Variants in MITD1 observed in about 807,000 individuals in gnomAD.
MITD1 encodes the protein MIT domain-containing protein 1.
MITD1 carries 24 observed loss-of-function variants against 34.9 expected under a neutral mutation model. The ratio of observed to expected loss-of-function variants is 0.69; its 90% CI spans 0.50 to 0.97. The LOEUF is 0.97. Ranked by LOEUF, MITD1 falls within the 50% of genes least tolerant of loss-of-function variation. MITD1 has a pLI of 0.00. For synonymous variants in MITD1, 102 were observed against 101.4 expected, an observed-to-expected ratio of 1.01 and a Z score of -0.04; for missense variants, 266 against 294.6, an observed-to-expected ratio of 0.90 and a Z score of 0.71.
downstream of MITD1, among the ~76,000 whole-genome samples, chr2:99,165,061 CAT>C (rs1553515881): frequency 0.011 from 1,421 of 135,234 alleles, 7 homozygotes; most frequent in Middle Eastern, 0.014. Flanking sequence ...CACACACACA[CAT>C]ATATATATAG....
chr2:99,171,684 A>ATT (rs372456258), intron 2 of MITD1, 38 bp from the exon 3 acceptor site: 18 of 1,444,548 alleles, frequency 1.2e-5, no homozygotes, highest in Non-Finnish European at 1.6e-5. Flanking sequence ...ACCAGTGACC[A>ATT]TTTTTTTTTT....
Position 99,176,533 on chromosome 2 carries a change from G to T in MITD1, c.152-2517C>A, listed in dbSNP as rs926487565. 8.6e-5 allele frequency among the ~76,000 whole-genome samples: 13 copies of T among 151,040 alleles called. 1 individual carries two copies. Among genetic ancestry groups the T allele is most frequent in the Admixed American group, 7.9e-4 (12 of 15,154 alleles). On this transcript the variant is annotated intron_variant, in intron 1 of 6. Transcript: ENST00000289359. ...GTAGAGACAGGGTTTCGCCATGTTG[G>T]TCAGGCTGGTCTTGAACTCCTGACC...
At chr2:99,180,652 C>A (rs959018865) in intron 1 of MITD1, 179 bp downstream of exon 1, 16 of 610,356 alleles carry the variant, frequency 2.6e-5, no homozygotes, top group Non-Finnish European at 4.4e-5. Context: ...TAGGTAACAT[C>A]AATCTATTAA....
At chr2:99,171,478 A>C (rs772981525) in intron 3 of MITD1, 32 bp downstream of exon 3, 2 of 1,591,104 alleles carry the variant, frequency 1.3e-6, no homozygotes, top group African/African-American at 2.7e-5. Context: ...ATTGAATATG[A>C]TATTTCATTA....
rs1052925587 is a variant in MITD1 at position 99,171,841 on chromosome 2, C to T, written c.254-195G>A. The stretch of plus-strand genomic sequence containing the variant: ...ACGTACAAAGGTATTTAAGGCAAAC[C>T]ACTCCATTAGTGATTTCTGCCTTCA... On this transcript the variant is annotated intron_variant, in intron 2 of 6. Transcript: ENST00000289359. 26 of 553,136 alleles carry T rather than the reference C, an allele frequency of 4.7e-5. No homozygotes were observed. In the South Asian group the frequency reaches 5.4e-4, roughly 11 times the overall value. The allele number at this position is 553,136 out of a possible 1,614,324, so 34.3% of individuals were successfully genotyped here. A position where few individuals can be genotyped will look rare whatever the true frequency, so the allele number is the denominator to read the frequency against.
chr2:99,173,019 A>T lies in MITD1; in HGVS notation c.253+896T>A, dbSNP rs1015879319. 2.0e-5 allele frequency: 3 copies of T among 152,538 alleles called. No individual in the cohort carries two copies. In the South Asian group the frequency reaches 6.2e-4, roughly 31 times the overall value. The allele number at this position is 152,538 out of a possible 1,614,324, so 9.4% of individuals were successfully genotyped here. A position where few individuals can be genotyped will look rare whatever the true frequency, so the allele number is the denominator to read the frequency against. ...ACTATGCCTTATTTTTTAAGCCAAGATAGCCGTATAGAGGTTAATTTAATT... is the reference window on the plus strand; with the variant it reads ...ACTATGCCTTATTTTTTAAGCCAAGTTAGCCGTATAGAGGTTAATTTAATT... On this transcript the variant is annotated intron_variant, in intron 2 of 6. Transcript: ENST00000289359.
intron 1 of MITD1, among the ~76,000 whole-genome samples, chr2:99,175,746 C>A (rs549377413): frequency 5.5e-4 from 84 of 152,176 alleles, no homozygotes; most frequent in Admixed American, 1.1e-3. Flanking sequence ...CATTCCTTCT[C>A]AATCTATTTA....
chr2:99,176,158 C>T (rs868502707), intron 1 of MITD1, among the ~76,000 whole-genome samples: 33 of 152,200 alleles, frequency 2.2e-4, no homozygotes, highest in African/African-American at 7.7e-4. Context: ...CACCATGTTG[C>T]CCAGGCTAGT....
rs200140249 is a variant in MITD1 at position 99,176,673 on chromosome 2, CGT to C, written c.152-2659_152-2658del. On this transcript the variant is annotated intron_variant, in intron 1 of 6. Transcript: ENST00000289359. ...ATTATGAGGGGTGTGTGTATGTGTG[CGT>C]GTGTGTGTGCGCGTGTGTGTGTGTT... 3.4e-5 allele frequency among the ~76,000 whole-genome samples: 5 copies of C among 147,514 alleles called. No individual in the cohort carries two copies. The South Asian group carries it at 6.5e-4, about 19-fold the overall frequency.
downstream of MITD1, among the ~76,000 whole-genome samples, chr2:99,166,766 T>G (rs112133841): frequency 2.0e-5 from 3 of 150,580 alleles, no homozygotes; most frequent in African/African-American, 7.3e-5. Flanking sequence ...TGTTTCCTTT[T>G]ACTCAAGTTT....
chr2:99,180,779 C>G lies in MITD1; in HGVS notation c.151+52G>C, dbSNP rs562359842. ...CTCTTTCACTTCACCCCAGACACAG[C>G]AGGAACCAGCTCCTTTTCCTCAGGT... On this transcript the variant is annotated intron_variant, in intron 1 of 6. Transcript: ENST00000289359. The G allele has an allele frequency of 2.9e-4, 433 of 1,493,080 alleles. 12 individuals are homozygous for G. The South Asian group carries it at 4.4e-3, about 15-fold the overall frequency. The allele number at this position is 1,493,080 out of a possible 1,614,324, so 92.5% of individuals were successfully genotyped here.
chr2:99,174,103 A>G (rs2093873674), intron 1 of MITD1, 87 bp from the exon 2 acceptor site: 1 of 739,618 alleles, frequency 1.4e-6, no homozygotes, highest in African/African-American at 1.8e-5. Flanking sequence ...CAAGTTTTCT[A>G]CAAATTTCCT....
intron 7 of MITD1, chr2:99,163,206 CT>C: frequency 1.7e-6 from 1 of 577,746 alleles, no homozygotes; most frequent in Non-Finnish European, 2.8e-6. Context: ...ACACAACAAC[CT>C]AGTCTCTTTC....
intron 1 of MITD1, among the ~76,000 whole-genome samples, chr2:99,174,382 T>TA (rs1226145247): frequency 1.3e-5 from 2 of 152,194 alleles, no homozygotes; most frequent in African/African-American, 4.8e-5. Context: ...AAAAAATATT[T>TA]ATCTTCCACA....
At chr2:99,163,379 G>A (rs534555898) in intron 7 of MITD1, among the ~76,000 whole-genome samples, 1 of 152,098 alleles carries the variant, frequency 6.6e-6, no homozygotes, top group Non-Finnish European at 1.5e-5. Flanking sequence ...CCAGGCTGGA[G>A]TGCAGTGGTG....
chr2:99,173,860 G>A, intron 2 of MITD1, 55 bp downstream of exon 2: 1 of 1,096,804 alleles, frequency 9.1e-7, no homozygotes, highest in Non-Finnish European at 1.4e-6. Context: ...GAAACATTGG[G>A]TGAATGGACA....
intron 1 of MITD1, among the ~76,000 whole-genome samples, chr2:99,179,856 G>A (rs1231105304): frequency 6.6e-6 from 1 of 152,138 alleles, no homozygotes; most frequent in African/African-American, 2.4e-5. Flanking sequence ...GAGCCACCGC[G>A]CCCGGCCGGT....
rs2093901181 is a variant in MITD1, at chr2:99,179,016, C to T, written c.151+1815G>A. Among the ~76,000 whole-genome samples the T allele has an allele frequency of 3.3e-5, 5 of 152,348 alleles. No homozygotes were observed. The South Asian group carries it at 1.0e-3, about 32-fold the overall frequency. The stretch of plus-strand genomic sequence containing the variant: ...AAGCCCCAATCAAACTCCACCTCTA[C>T]CTTTCCACCCTCACATGACCTTTAA... On this transcript the variant is annotated intron_variant, in intron 1 of 6. Transcript: ENST00000289359.
chr2:99,172,249 A>G (rs965427084), intron 2 of MITD1: 2 of 152,186 alleles, frequency 1.3e-5, no homozygotes, highest in Non-Finnish European at 2.9e-5. Flanking sequence ...GTAGCCAGGC[A>G]TGATGTCAGG....
Sources: gnomAD v4.1 joint callset for allele counts (sites outside exome capture counted in the v4.1 genomes callset) on GRCh38, gnomAD v4.1.1 for gene constraint, MANE v1.5 for transcripts, NCBI Gene and HGNC (gene_info 2026-07-23, HGNC 2026-07-21) for gene names.